The following LOXHD1 variants were observed in gnomAD, a reference collection of about 807,000 sequenced individuals.
LOXHD1 encodes lipoxygenase homology PLAT domains 1.
In LOXHD1, 205 loss-of-function variants were observed where a neutral mutation model predicts 248.2. The ratio of observed to expected loss-of-function variants is 0.83; its 90% CI spans 0.74 to 0.93. The LOEUF (loss-of-function observed/expected upper bound fraction) is 0.93, where lower values mean the gene tolerates loss of function less well. Among genes scored for constraint, LOXHD1 ranks in the 40% least tolerant of loss-of-function variants. The pLI is 0.00. For missense variants in LOXHD1, 2,930 were observed against 2,971.6 expected (o/e 0.99, Z 0.33); for synonymous variants, 1,113 against 1,162.8 (o/e 0.96, Z 0.87).
chr18:46,653,411 T>G (rs1457166329), intron 1 of LOXHD1, among the ~76,000 whole-genome samples: 1 of 152,248 alleles, frequency 6.6e-6, no homozygotes, highest in African/African-American at 2.4e-5. Context: ...AAACGTACCT[T>G]CATAAGTTTT....
chr18:46,648,935 G>A (rs2039070522), intron 2 of LOXHD1, among the ~76,000 whole-genome samples: 5 of 152,224 alleles, frequency 3.3e-5, no homozygotes, highest in Admixed American at 2.6e-4. Context: ...AGATCCATAG[G>A]AGGCATTACC....
Position 46,557,224 on chromosome 18 carries a change from T to A in LOXHD1, c.3350+132A>T. ...ACGGCCAGTACACCTCACCCTTAGGTGTCACCCAGCCCACCCTCACCCTCC... is the reference window on the plus strand; with the variant it reads ...ACGGCCAGTACACCTCACCCTTAGGAGTCACCCAGCCCACCCTCACCCTCC... On this transcript the variant is annotated intron_variant, in intron 21 of 40. Transcript: ENST00000642948. 10 of 1,047,714 alleles carry A rather than the reference T, an allele frequency of 9.5e-6. No homozygotes were observed. In the South Asian group the frequency reaches 1.5e-4, roughly 16 times the overall value. 64.9% of individuals were successfully genotyped at this position (1,047,714 alleles called of 1,614,324 possible). A position where few individuals can be genotyped will look rare whatever the true frequency, so the allele number is the denominator to read the frequency against.
chr18:46,517,312 A>T (rs548587648), intron 34 of LOXHD1, among the ~76,000 whole-genome samples: 37 of 152,198 alleles, frequency 2.4e-4, no homozygotes, highest in African/African-American at 8.9e-4. Flanking sequence ...ATTACTAATC[A>T]CTAATGAGTG....
At chr18:46,649,126 G>A (rs2144399447) in intron 2 of LOXHD1, 29 bp downstream of exon 2, 1 of 1,533,374 alleles carries the variant, frequency 6.5e-7, no homozygotes, top group Non-Finnish European at 8.8e-7. Context: ...AATGGCCCAG[G>A]ATCCCACCAA....
intron 34 of LOXHD1, among the ~76,000 whole-genome samples, chr18:46,510,358 G>A (rs2034884362): frequency 6.6e-6 from 1 of 152,220 alleles, no homozygotes; most frequent in Non-Finnish European, 1.5e-5. Flanking sequence ...ACAGTGCCCT[G>A]AATTGGGTAA....
chr18:46,529,096 C>T, intron 29 of LOXHD1, 81 bp downstream of exon 29: 9 of 1,515,990 alleles, frequency 5.9e-6, no homozygotes, highest in Non-Finnish European at 8.0e-6. Flanking sequence ...TGGATGTCCC[C>T]AGGAACCAAG....
At chr18:46,610,964 A>G (rs1161994779) in intron 5 of LOXHD1, 40 bp from the exon 6 acceptor site, 1 of 1,545,526 alleles carries the variant, frequency 6.5e-7, no homozygotes. Flanking sequence ...CAAAAAGACC[A>G]GAAGAAAAGA....
At chr18:46,576,071 G>A (rs921295424) in intron 14 of LOXHD1, among the ~76,000 whole-genome samples, 10 of 152,154 alleles carry the variant, frequency 6.6e-5, no homozygotes, top group Admixed American at 4.6e-4. Flanking sequence ...CCCCTGCACC[G>A]TTGTGTGTTT....
chr18:46,506,176 C>A (rs1419178844), intron 36 of LOXHD1, among the ~76,000 whole-genome samples, 153 bp from the exon 37 acceptor site: 3 of 152,236 alleles, frequency 2.0e-5, no homozygotes, highest in African/African-American at 7.2e-5. Context: ...TGGAAAGGGT[C>A]AATTACTGTC....
In LOXHD1 at chr18:46,491,640, G is replaced by A. The variant is rs80293548; in HGVS notation, c.5879-2498C>T. Among the ~76,000 whole-genome samples, 1,259 of 152,284 alleles carry A rather than the reference G, an allele frequency of 8.3e-3. 19 individuals are homozygous for A. Among genetic ancestry groups the A allele is most frequent in the African/African-American group, 0.029 (1,210 of 41,556 alleles). On this transcript the variant is annotated intron_variant, in intron 37 of 40. Transcript: ENST00000642948. ...ATTACCTGGAGACGTGGGCCATCAC[G>A]AGATTTTTTCTGTTGCTGGAATGCA...
At chr18:46,514,999 C>T (rs1004913304) in intron 34 of LOXHD1, among the ~76,000 whole-genome samples, 1 of 152,172 alleles carries the variant, frequency 6.6e-6, no homozygotes, top group African/African-American at 2.4e-5. Context: ...TATTAATTCA[C>T]CAGCATCTCA....
intron 38 of LOXHD1, 83 bp downstream of exon 38, chr18:46,488,889 A>AC (rs201472452): frequency 2.1e-6 from 3 of 1,440,836 alleles, no homozygotes; most frequent in Non-Finnish European, 1.9e-6. Flanking sequence ...CTGGCACCTG[A>AC]CCCCCCTCCA....
At chr18:46,577,678 G>A in intron 14 of LOXHD1, 29 bp downstream of exon 14, 2 of 1,544,206 alleles carry the variant, frequency 1.3e-6, no homozygotes, top group Non-Finnish European at 1.8e-6. Flanking sequence ...CTAAGCTGGA[G>A]AAAACACCAG....
At chr18:46,550,359 G>A (rs1205521559) in intron 21 of LOXHD1, among the ~76,000 whole-genome samples, 1 of 151,686 alleles carries the variant, frequency 6.6e-6, no homozygotes, top group East Asian at 1.9e-4. Flanking sequence ...GGATCATGAG[G>A]TCAGGAGATC....
chr18:46,618,276 C>T lies in LOXHD1; in HGVS notation c.526G>A (p.Val176Ile). The T allele has an allele frequency of 6.4e-7, 1 of 1,550,492 alleles. No homozygotes were observed. The highest frequency in any genetic ancestry group is 8.7e-7 in the Non-Finnish European group (1 of 1,145,990). The change falls in exon 5 of 41, where the codon GTC becomes ATC. Residue 176 changes from valine to isoleucine, a missense_variant. Val to Ile is a conservative substitution (Grantham distance 29). Coordinates refer to ENST00000642948, the MANE Select transcript of LOXHD1 (RefSeq NM_001384474.1). ...ATTACATCACCAGTGTATACCTTGA[C>T]TTCATACTTATTACCTAGGAACAAG... ...MDMPRGNKYEVKVYTGDVIGA... is the reference protein window; with the variant it reads ...MDMPRGNKYEIKVYTGDVIGA...
At chr18:46,477,226 A>G, downstream of LOXHD1, 1 of 731,000 alleles carries the variant, frequency 1.4e-6, no homozygotes. Flanking sequence ...CACTACTGTT[A>G]TTACAGAAAA....
chr18:46,557,828 G>T (rs1169233430), intron 20 of LOXHD1: 8 of 1,276,266 alleles, frequency 6.3e-6, no homozygotes, highest in Non-Finnish European at 8.1e-6. Flanking sequence ...AAGAGAGGGG[G>T]GTGCACTGAA....
intron 37 of LOXHD1, among the ~76,000 whole-genome samples, chr18:46,491,951 C>G (rs1191871463): frequency 2.0e-5 from 3 of 152,200 alleles, no homozygotes; most frequent in Non-Finnish European, 2.9e-5. Flanking sequence ...TGTCTGACCC[C>G]ATCCACAATT....
At position 46,483,586 on chromosome 18, in the gene LOXHD1, C is replaced by T. The variant is rs922753545; in HGVS notation, c.6341+1G>A. ...TCCTTGGGGAGAGGCTCAGTACATA[C>T]ACATTGCCGTACTCCATCTCGGTGA... On this transcript the variant is annotated splice_donor_variant, in intron 40 of 40. Transcript: ENST00000642948. LOFTEE classifies it high-confidence loss of function. 1 of 1,551,566 alleles carries T rather than the reference C, an allele frequency of 6.4e-7. No homozygotes were observed. The highest frequency in any genetic ancestry group is 1.4e-5 in the African/African-American group (1 of 73,112).
Sources: allele counts gnomAD v4.1 joint callset (sites outside exome capture counted in the v4.1 genomes callset), GRCh38; gene constraint gnomAD v4.1.1; transcripts MANE v1.5; gene names NCBI Gene and HGNC (gene_info 2026-07-23, HGNC 2026-07-21).